GCM1: variants seen among roughly 807,000 people sequenced by gnomAD.
GCM1 encodes the protein GCM transcription factor 1, also known as chorion-specific transcription factor GCMa.
Under a neutral mutation model 25.7 loss-of-function variants are expected in GCM1, and 2 were observed. That is an observed-to-expected ratio of 0.08 (90% CI 0.03 to 0.24). The LOEUF (loss-of-function observed/expected upper bound fraction) is 0.24. GCM1 is among the 10% of genes least tolerant of loss of function. GCM1 has a pLI of 1.00. For missense variants in GCM1, 395 were observed against 538.7 expected, an observed-to-expected ratio of 0.73 and a Z score of 2.64; for synonymous variants, 183 against 195.7, an observed-to-expected ratio of 0.94 and a Z score of 0.54.
At chr6:53,129,554 A>G (rs1763694974) in intron 5 of GCM1, among the ~76,000 whole-genome samples, 1 of 152,216 alleles carries the variant, frequency 6.6e-6, no homozygotes, top group Admixed American at 6.5e-5. Flanking sequence ...GATTAGAGGC[A>G]TAAGCCACAG....
rs1245073579 is a variant in GCM1, at chr6:53,130,833, T to A, written c.540A>T (p.Ser180=). Residue 180 remains serine (S), a synonymous_variant, in exon 5 of 6, where the codon TCA becomes TCT. Transcript: ENST00000259803. ...KKVNTAPSSV[S]LSLKGSTETR... is the part of the protein sequence containing the mutation. ...TCTCTGTGCTCCCCTTCAGGCTCAA[T>A]GAGACGGAGGAAGGTGCTGTGTTCA... 1 of 1,612,944 alleles carries A rather than the reference T, an allele frequency of 6.2e-7. No individual in the cohort carries two copies. The highest frequency in any genetic ancestry group is 8.5e-7 in the Non-Finnish European group (1 of 1,178,888).
intron 2 of GCM1, among the ~76,000 whole-genome samples, chr6:53,144,203 T>C (rs1362151511): frequency 6.6e-6 from 1 of 152,174 alleles, no homozygotes; most frequent in Non-Finnish European, 1.5e-5. Context: ...GGAAGGGTTG[T>C]TCGTGGCCAG....
At chr6:53,129,648 A>G (rs1452914558) in intron 5 of GCM1, among the ~76,000 whole-genome samples, 3 of 152,226 alleles carry the variant, frequency 2.0e-5, no homozygotes, top group Non-Finnish European at 4.4e-5. Context: ...GATTTATATT[A>G]TACTCAGCAC....
chr6:53,131,050 A>G (rs1206520004), intron 4 of GCM1, 119 bp from the exon 5 acceptor site: 10 of 912,658 alleles, frequency 1.1e-5, no homozygotes, highest in East Asian at 9.7e-5. Flanking sequence ...GCAGTTGCCT[A>G]TGGTAACCAG....
chr6:53,146,216 ATTTTT>A (rs70980806), intron 1 of GCM1, among the ~76,000 whole-genome samples: 287 of 101,334 alleles, frequency 2.8e-3, no homozygotes, highest in African/African-American at 8.8e-3. Flanking sequence ...ATATATATAT[ATTTTT>A]TTTTTTTTTT....
chr6:53,138,358 C>T (rs1248302733), intron 2 of GCM1, among the ~76,000 whole-genome samples: 6 of 150,360 alleles, frequency 4.0e-5, no homozygotes, highest in African/African-American at 1.5e-4. Context: ...AATATACTCA[C>T]ATCAAGCTAG....
chr6:53,140,231 G>A lies in GCM1; in HGVS notation c.75+5327C>T, dbSNP rs138464778. Among the ~76,000 whole-genome samples, 20 of 152,244 alleles carry A rather than the reference G, an allele frequency of 1.3e-4. No homozygotes were observed. In the South Asian group the frequency reaches 1.5e-3, roughly 11 times the overall value. ...GAATCCCCATCAGAACAATGACAAC[G>A]TGACCTGCTCATACAGGGGATAATA... On this transcript the variant is annotated intron_variant, in intron 2 of 5. Transcript: ENST00000259803.
intron 5 of GCM1, among the ~76,000 whole-genome samples, chr6:53,129,399 C>G (rs1188453354): frequency 6.6e-6 from 1 of 151,822 alleles, no homozygotes; most frequent in Non-Finnish European, 1.5e-5. Flanking sequence ...CTCAGCCTCT[C>G]AATAGCTGGG....
At chr6:53,134,426 G>T in intron 2 of GCM1, 102 bp from the exon 3 acceptor site, 2 of 1,155,770 alleles carry the variant, frequency 1.7e-6, no homozygotes, top group Non-Finnish European at 2.5e-6. Context: ...GCATTCAGGA[G>T]CTGGGCAAGA....
At position 53,130,714 on chromosome 6, in the gene GCM1, G is replaced by T. The variant is rs1178900827; in HGVS notation, c.570+89C>A. ...ATAATCCATGATTTCTGGCTTTCCT[G>T]CGTCAGCAAGGGACCCAGGAAATCT... On this transcript the variant is annotated intron_variant, in intron 5 of 5. Coordinates refer to ENST00000259803, the MANE Select transcript of GCM1 (RefSeq NM_003643.4). The T allele has an allele frequency of 2.8e-6, 3 of 1,078,350 alleles. No individual in the cohort carries two copies. The East Asian group carries it at 7.4e-5, about 26-fold the overall frequency. 66.8% of individuals were successfully genotyped at this position (1,078,350 alleles called of 1,614,324 possible).
intron 1 of GCM1, among the ~76,000 whole-genome samples, chr6:53,147,306 T>C (rs1009846094): frequency 6.6e-6 from 1 of 151,938 alleles, no homozygotes; most frequent in African/African-American, 2.4e-5. Context: ...GGTACTCTTA[T>C]AAAAACAAGA....
At chr6:53,135,251 C>T (rs558981656) in intron 2 of GCM1, among the ~76,000 whole-genome samples, 1 of 152,278 alleles carries the variant, frequency 6.6e-6, no homozygotes, top group South Asian at 2.1e-4. Flanking sequence ...CTGTACTATG[C>T]ACTTAAACAT....
chr6:53,127,046 GAAGAGAA>G lies in GCM1; in HGVS notation c.*1153_*1159del, dbSNP rs1339589540. ...TTTTATCATAAAGTACTTCAGCAAA[GAAGAGAA>G]ACTGGCATTCAAACATGGCCGGCCA... is the stretch of plus-strand genomic sequence containing the variant. On this transcript the variant is annotated 3_prime_UTR_variant, in exon 6 of 6. Coordinates refer to ENST00000259803, the MANE Select transcript of GCM1 (RefSeq NM_003643.4). 1 of 152,168 alleles carries G rather than the reference GAAGAGAA, an allele frequency of 6.6e-6. No homozygotes were observed. Among genetic ancestry groups the G allele is most frequent in the Non-Finnish European group, 1.5e-5 (1 of 68,030 alleles). The allele number at this position is 152,168 out of a possible 1,614,324, so 9.4% of individuals were successfully genotyped here. A position where few individuals can be genotyped will look rare whatever the true frequency, so the allele number is the denominator to read the frequency against.
rs1389000853 is a variant in GCM1, at chr6:53,128,661, C to T, written c.856G>A (p.Gly286Arg). 1.1e-5 allele frequency: 18 copies of T among 1,613,826 alleles called. 1 individual carries two copies. Among genetic ancestry groups the T allele is most frequent in the South Asian group, 4.4e-5 (4 of 91,066 alleles). The stretch of plus-strand genomic sequence containing the variant: ...AGATCGCCATGATCAGAGTAGACTC[C>T]GGAGGCAGAAGGAGGAAGCAGGTCT... Reference protein sequence around the residue: ...SGDLLPPSASGVYSDHGDLQA... With the variant: ...SGDLLPPSASRVYSDHGDLQA... The change falls in exon 6 of 6, where the codon GGA becomes AGA. Residue 286 changes from glycine (G) to arginine (R), a missense_variant. Gly to Arg is a moderately radical substitution (Grantham distance 125, BLOSUM62 -2). Coordinates refer to ENST00000259803, the MANE Select transcript of GCM1 (RefSeq NM_003643.4).
At chr6:53,140,150 G>A (rs1420110086) in intron 2 of GCM1, among the ~76,000 whole-genome samples, 1 of 152,212 alleles carries the variant, frequency 6.6e-6, no homozygotes, top group Non-Finnish European at 1.5e-5. Context: ...TCTCAGGGAA[G>A]TTCAAATGAC....
At chr6:53,138,894 A>T (rs987458105) in intron 2 of GCM1, among the ~76,000 whole-genome samples, 2 of 152,202 alleles carry the variant, frequency 1.3e-5, no homozygotes, top group Non-Finnish European at 2.9e-5. Context: ...TACTCACCTC[A>T]TTCTAACTTA....
intron 1 of GCM1, among the ~76,000 whole-genome samples, chr6:53,146,156 C>T (rs188420252): frequency 6.6e-4 from 97 of 147,492 alleles, no homozygotes; most frequent in African/African-American, 2.3e-3. Flanking sequence ...AAGAGGGGAA[C>T]ATCACACTGA....
At chr6:53,145,913 G>T in intron 1 of GCM1, 145 bp from the exon 2 acceptor site, 1 of 348,208 alleles carries the variant, frequency 2.9e-6, no homozygotes, top group Non-Finnish European at 5.2e-6. Flanking sequence ...AGCCATAAGT[G>T]ATTTTACTTA....
Position 53,128,067 on chromosome 6 carries a change from A to T in GCM1, c.*139T>A. 2 of 457,728 alleles carry T rather than the reference A, an allele frequency of 4.4e-6. No homozygotes were observed. The highest frequency in any genetic ancestry group is 3.7e-6 in the Non-Finnish European group (1 of 268,374). The allele number at this position is 457,728 out of a possible 1,614,324, so 28.4% of individuals were successfully genotyped here. ...AAAAAAAAAAAAGAAGGAAAAAAGA[A>T]AAAGAAAAAAGCCTTGTCTACTGCT... is the stretch of plus-strand genomic sequence containing the variant. On this transcript the variant is annotated 3_prime_UTR_variant, in exon 6 of 6. Transcript: ENST00000259803.
Sources: allele counts gnomAD v4.1 joint callset (sites outside exome capture counted in the v4.1 genomes callset), GRCh38; gene constraint gnomAD v4.1.1; transcripts MANE v1.5; gene names NCBI Gene and HGNC (gene_info 2026-07-23, HGNC 2026-07-21).